The following GCSAML variants were observed in gnomAD, a reference collection of about 807,000 sequenced individuals.
The protein encoded by GCSAML is germinal center-associated signaling and motility-like protein.
GCSAML carries 9 observed loss-of-function variants against 13.0 expected under a neutral mutation model. The ratio of observed to expected loss-of-function variants is 0.69; its 90% CI spans 0.42 to 1.21. The LOEUF is 1.21. GCSAML is among the 50% of genes most tolerant of loss of function. The pLI is 0.00. For missense variants in GCSAML, 143 were observed against 153.4 expected, an observed-to-expected ratio of 0.93 and a Z score of 0.36; for synonymous variants, 37 against 52.9, an observed-to-expected ratio of 0.70 and a Z score of 1.31.
intron 2 of GCSAML, among the ~76,000 whole-genome samples, chr1:247,541,190 T>G (rs558730269): frequency 6.6e-4 from 101 of 152,320 alleles, no homozygotes; most frequent in African/African-American, 2.4e-3. Flanking sequence ...TCAATTTTTT[T>G]TTTCCTATTG....
At chr1:247,531,075 C>A (rs1418349054) in intron 2 of GCSAML, 2 of 158,988 alleles carry the variant, frequency 1.3e-5, no homozygotes, top group African/African-American at 4.8e-5. Context: ...AGCGGGGGAG[C>A]CACAGCGAGG....
intron 3 of GCSAML, 27 bp from the exon 4 acceptor site, chr1:247,565,902 TTC>T: frequency 2.0e-6 from 3 of 1,536,180 alleles, no homozygotes; most frequent in East Asian, 2.3e-5. Flanking sequence ...TTTCCTTTCT[TTC>T]TTTTTTTTTT....
At chr1:247,553,166 C>A (rs1177002001) in intron 1 of GCSAML, among the ~76,000 whole-genome samples, 1 of 151,776 alleles carries the variant, frequency 6.6e-6, no homozygotes, top group Non-Finnish European at 1.5e-5. Flanking sequence ...TTATTTTATT[C>A]TTTGTTAGAT....
intron 3 of GCSAML, among the ~76,000 whole-genome samples, chr1:247,564,282 G>A (rs901592849): frequency 6.6e-6 from 1 of 151,678 alleles, no homozygotes; most frequent in African/African-American, 2.4e-5. Context: ...AGCTGGTGGT[G>A]CACTCCTGTA....
At chr1:247,560,119 A>T (rs1157499726) in intron 2 of GCSAML, among the ~76,000 whole-genome samples, 1 of 152,126 alleles carries the variant, frequency 6.6e-6, no homozygotes, top group Non-Finnish European at 1.5e-5. Flanking sequence ...TATTTAAGAG[A>T]GAGTGGACAA....
chr1:247,532,753 A>G (rs1667042061), intron 2 of GCSAML: 1 of 511,844 alleles, frequency 2.0e-6, no homozygotes, highest in South Asian at 2.4e-5. Flanking sequence ...ACGTACTACC[A>G]TGTCTGGCTA....
chr1:247,532,178 C>T (rs548732653), intron 2 of GCSAML: 146 of 1,614,070 alleles, frequency 9.0e-5, no homozygotes, highest in South Asian at 7.7e-4. Context: ...AGGACACACT[C>T]GGTTGCCCCC....
intron 1 of GCSAML, among the ~76,000 whole-genome samples, chr1:247,510,806 T>G (rs563106693): frequency 1.4e-4 from 22 of 152,342 alleles, no homozygotes; most frequent in Non-Finnish European, 2.6e-4. Context: ...GTTTTGTGGC[T>G]TTGAGTGAGT....
upstream of GCSAML, among the ~76,000 whole-genome samples, chr1:247,547,017 G>A (rs1018694898): frequency 4.0e-5 from 6 of 151,396 alleles, no homozygotes; most frequent in African/African-American, 9.7e-5. Flanking sequence ...AGGGAGGATC[G>A]CTTGAGTCTG....
chr1:247,566,978 G>C (rs1668399045), intron 4 of GCSAML, among the ~76,000 whole-genome samples: 1 of 151,810 alleles, frequency 6.6e-6, no homozygotes, highest in Non-Finnish European at 1.5e-5. Flanking sequence ...TCCCTGGATA[G>C]TTAGAGGCAT....
chr1:247,520,626 G>A (rs763217231), intron 1 of GCSAML, among the ~76,000 whole-genome samples: 43 of 152,078 alleles, frequency 2.8e-4, no homozygotes, highest in Non-Finnish European at 5.3e-4. Context: ...ATAAAATAAA[G>A]CACATCTTGA....
intron 2 of GCSAML, among the ~76,000 whole-genome samples, chr1:247,537,503 C>T (rs1667262410): frequency 6.6e-6 from 1 of 152,150 alleles, no homozygotes; most frequent in Non-Finnish European, 1.5e-5. Context: ...CTGGGTATAC[C>T]TGGGAGTGGA....
At chr1:247,532,454 T>C (rs6697472) in intron 2 of GCSAML, 1,606,695 of 1,614,006 alleles carry the variant, frequency 1, 799,880 homozygotes, top group East Asian at 1. Flanking sequence ...GAGGGTCGTG[T>C]GGAGAAGCCC....
At chr1:247,510,521 T>G (rs1665997848) in intron 1 of GCSAML, among the ~76,000 whole-genome samples, 1 of 151,890 alleles carries the variant, frequency 6.6e-6, no homozygotes, top group South Asian at 2.1e-4. Context: ...CTGCTCTGAG[T>G]TATTTCTTGT....
intron 4 of GCSAML, among the ~76,000 whole-genome samples, chr1:247,569,667 C>T (rs1200405214): frequency 6.6e-6 from 1 of 152,110 alleles, no homozygotes; most frequent in Admixed American, 6.6e-5. Context: ...CTGAAATTTT[C>T]TATTTTTGTT....
intron 1 of GCSAML, chr1:247,519,336 G>A (rs1053707243): frequency 5.9e-5 from 9 of 152,242 alleles, no homozygotes; most frequent in African/African-American, 2.2e-4. Context: ...TGATTCCACT[G>A]AGCGGTAATG....
Position 247,558,968 on chromosome 1 carries a change from T to C in GCSAML, c.89+2502T>C, listed in dbSNP as rs1488918803. 2.6e-5 allele frequency among the ~76,000 whole-genome samples: 4 copies of C among 152,232 alleles called. No homozygotes were observed. The East Asian group carries it at 7.7e-4, about 29-fold the overall frequency. On this transcript the variant is annotated intron_variant, in intron 2 of 4. Transcript: ENST00000366488. ...TTTTATTAAAGTCTTCTTTGTCCTA[T>C]ATGTTAACTTTGAGACAAGTTACTT...
chr1:247,548,215 A>T (rs1456672828), upstream of GCSAML, among the ~76,000 whole-genome samples: 3 of 152,246 alleles, frequency 2.0e-5, no homozygotes, highest in African/African-American at 4.8e-5. The surrounding 1 kb of genome is among the most constrained non-coding windows in gnomAD (Gnocchi z 5.3). Flanking sequence ...GACATCATGA[A>T]TAAGCGATTT....
In GCSAML at chr1:247,574,343, C is replaced by T. The variant is rs767843290; in HGVS notation, c.369C>T (p.Cys123=). The change falls in exon 5 of 5, where the codon TGC becomes TGT. Residue 123 remains cysteine, a synonymous_variant. Transcript: ENST00000366488. ...CTTCTGTTAGTAGGCCTTGTTCCTG[C>T]ACCCATGAGCATGATTATGAAGTTG... is the stretch of plus-strand genomic sequence containing the variant. ...LRTSVSRPCS[C]THEHDYEVVF... 3.2e-5 allele frequency: 51 copies of T among 1,613,962 alleles called. No individual in the cohort carries two copies. Among genetic ancestry groups the T allele is most frequent in the Non-Finnish European group, 2.5e-5 (30 of 1,179,988 alleles).
Sources: allele counts gnomAD v4.1 joint callset (sites outside exome capture counted in the v4.1 genomes callset), GRCh38; gene constraint gnomAD v4.1.1; non-coding constraint Gnocchi (gnomAD v3.1); transcripts MANE v1.5; gene names NCBI Gene and HGNC (gene_info 2026-07-23, HGNC 2026-07-21).